The following CPD variants were observed in gnomAD, a reference collection of about 807,000 sequenced individuals.
The protein encoded by CPD is carboxypeptidase D, also known as metallocarboxypeptidase D.
Under a neutral mutation model 138.3 loss-of-function variants are expected in CPD, and 69 were observed. The observed-to-expected ratio is 0.50, with a 90% CI of 0.41 to 0.61. The LOEUF is 0.61. Ranked by LOEUF, CPD falls within the 20% of genes least tolerant of loss-of-function variation. The probability of loss-of-function intolerance (pLI) is 0.00; values close to 1 mark genes in which losing one functional copy is unlikely to be tolerated. For missense variants in CPD, 1,432 were observed against 1,733.3 expected, an observed-to-expected ratio of 0.83 and a Z score of 3.09; for synonymous variants, 651 against 642.1, an observed-to-expected ratio of 1.01 and a Z score of -0.21.
intron 2 of CPD, among the ~76,000 whole-genome samples, chr17:30,405,908 C>G (rs559676233): frequency 2.0e-5 from 3 of 152,072 alleles, no homozygotes; most frequent in South Asian, 2.1e-4. Flanking sequence ...TTATAAGCCT[C>G]TTATCTAGAG....
chr17:30,422,616 A>G, intron 4 of CPD, 58 bp from the exon 5 acceptor site: 1 of 1,150,612 alleles, frequency 8.7e-7, no homozygotes, highest in South Asian at 1.5e-5. Flanking sequence ...CTTTTATAAT[A>G]TTAAAGCATT....
At chr17:30,403,067 T>C (rs566152253) in intron 2 of CPD, among the ~76,000 whole-genome samples, 3 of 152,038 alleles carry the variant, frequency 2.0e-5, no homozygotes, top group Admixed American at 6.6e-5. Flanking sequence ...GATAGTGCCA[T>C]TGCACTCCAG....
intron 7 of CPD, among the ~76,000 whole-genome samples, chr17:30,429,223 T>C (rs1412176945): frequency 6.6e-6 from 1 of 152,230 alleles, no homozygotes; most frequent in Non-Finnish European, 1.5e-5. Context: ...ATGTGTTTAA[T>C]GCTATGTTTG....
At chr17:30,421,206 G>C (rs894271083) in intron 3 of CPD, among the ~76,000 whole-genome samples, 40 of 152,182 alleles carry the variant, frequency 2.6e-4, no homozygotes, top group African/African-American at 9.4e-4. Context: ...GCTCCATAGG[G>C]CTTCCTTTTC....
chr17:30,420,701 T>A (rs1912241635), intron 2 of CPD, 140 bp from the exon 3 acceptor site: 1 of 656,848 alleles, frequency 1.5e-6, no homozygotes, highest in African/African-American at 1.8e-5. Flanking sequence ...ATAGTTCAGA[T>A]GCCTTCTCCA....
At chr17:30,462,623 C>T (rs1303679934) in intron 20 of CPD, among the ~76,000 whole-genome samples, 154 bp downstream of exon 20, 3 of 152,130 alleles carry the variant, frequency 2.0e-5, no homozygotes, top group South Asian at 2.1e-4. Flanking sequence ...CCTCTGTTCT[C>T]GCATATGTTC....
At chr17:30,462,767 G>A (rs1485625994) in intron 20 of CPD, among the ~76,000 whole-genome samples, 3 of 152,130 alleles carry the variant, frequency 2.0e-5, no homozygotes, top group African/African-American at 4.8e-5. Context: ...AGCCTTCAGC[G>A]CTGAGAACCT....
At chr17:30,383,485 C>G (rs1213843338) in intron 1 of CPD, among the ~76,000 whole-genome samples, 1 of 152,168 alleles carries the variant, frequency 6.6e-6, no homozygotes, top group East Asian at 1.9e-4. Flanking sequence ...AAAGCCTGTG[C>G]CATTGCCACT....
At chr17:30,406,652 C>T (rs78504058) in intron 2 of CPD, among the ~76,000 whole-genome samples, 4,326 of 152,178 alleles carry the variant, frequency 0.028, 207 homozygotes, top group African/African-American at 0.098. Context: ...AATGCTAGGA[C>T]TCAAGCCTGG....
chr17:30,444,110 C>CT, intron 11 of CPD, 139 bp downstream of exon 11: 1 of 700,424 alleles, frequency 1.4e-6, no homozygotes, highest in South Asian at 2.7e-5. Flanking sequence ...CTGGTTATAC[C>CT]TTTGACTCTC....
At position 30,436,743 on chromosome 17, in the gene CPD, T is replaced by A. The variant is rs555100866; in HGVS notation, c.2128-2232T>A. On this transcript the variant is annotated intron_variant, in intron 8 of 20. Transcript: ENST00000225719. ...AAACATTAAATATAGAATTGTAATA[T>A]GACCCAGCATTCCACTGCTAGGTAT... is the stretch of plus-strand genomic sequence containing the variant. Among the ~76,000 whole-genome samples the A allele has an allele frequency of 2.6e-5, 4 of 152,342 alleles. No homozygotes were observed. The East Asian group carries it at 7.7e-4, about 29-fold the overall frequency.
At chr17:30,451,870 A>G (rs756089188) in intron 14 of CPD, 24 bp downstream of exon 14, 3 of 1,610,724 alleles carry the variant, frequency 1.9e-6, no homozygotes, top group Non-Finnish European at 2.5e-6. Flanking sequence ...TTAGGCTACT[A>G]AAGTACTTAG....
chr17:30,409,404 T>C (rs1911898450), intron 2 of CPD, among the ~76,000 whole-genome samples: 1 of 152,218 alleles, frequency 6.6e-6, no homozygotes, highest in African/African-American at 2.4e-5. Context: ...CCTCCTTTTC[T>C]ACTGATTGGA....
chr17:30,463,733 T>C (rs1018663859), intron 20 of CPD, among the ~76,000 whole-genome samples: 4 of 152,166 alleles, frequency 2.6e-5, no homozygotes, highest in Non-Finnish European at 5.9e-5. Flanking sequence ...AAGTAGTATA[T>C]TGGAAACATG....
At chr17:30,421,085 T>G (rs765834082) in intron 3 of CPD, 102 bp downstream of exon 3, 86 of 766,822 alleles carry the variant, frequency 1.1e-4, no homozygotes, top group Non-Finnish European at 1.6e-4. Context: ...TAGATGTCAT[T>G]TATCTCTTTT....
intron 1 of CPD, among the ~76,000 whole-genome samples, chr17:30,381,950 C>T (rs1362515590): frequency 1.3e-5 from 2 of 152,080 alleles, no homozygotes; most frequent in Non-Finnish European, 2.9e-5. Flanking sequence ...GATGTTGAGA[C>T]AAATACTTAA....
chr17:30,447,403 G>A (rs1213231521), intron 12 of CPD, among the ~76,000 whole-genome samples: 3 of 152,250 alleles, frequency 2.0e-5, no homozygotes, highest in Admixed American at 2.0e-4. Context: ...TGAATCTTGG[G>A]AACTTTAAGG....
intron 4 of CPD, 32 bp from the exon 5 acceptor site, chr17:30,422,642 A>C: frequency 6.9e-7 from 1 of 1,444,212 alleles, no homozygotes; most frequent in Non-Finnish European, 9.5e-7. Context: ...TCTTAACTAT[A>C]AACCATTTAC....
At chr17:30,393,637 G>A (rs1381781886) in intron 2 of CPD, among the ~76,000 whole-genome samples, 2 of 152,094 alleles carry the variant, frequency 1.3e-5, no homozygotes, top group African/African-American at 4.8e-5. Flanking sequence ...CAGTGGATTT[G>A]AATAACATAA....
Sources: allele counts gnomAD v4.1 joint callset (sites outside exome capture counted in the v4.1 genomes callset), GRCh38; gene constraint gnomAD v4.1.1; transcripts MANE v1.5; gene names NCBI Gene and HGNC (gene_info 2026-07-23, HGNC 2026-07-21).